ZNF277: variants seen among roughly 807,000 people sequenced by gnomAD.
ZNF277 encodes zinc finger protein 277.
In ZNF277, 55 loss-of-function variants were observed where a neutral mutation model predicts 60.7. The observed-to-expected ratio is 0.91, with a 90% confidence interval of 0.73 to 1.13. ZNF277 has a LOEUF of 1.13. Ranked by LOEUF, ZNF277 falls within the 50% of genes most tolerant of loss-of-function variation. The pLI is 0.00. For synonymous variants in ZNF277, 178 were observed against 179.3 expected, an observed-to-expected ratio of 0.99 and a Z score of 0.06; for missense variants, 510 against 523.0, an observed-to-expected ratio of 0.98 and a Z score of 0.24.
intron 4 of ZNF277, among the ~76,000 whole-genome samples, chr7:112,309,470 T>C (rs1478802092): frequency 6.6e-6 from 1 of 151,980 alleles, no homozygotes; most frequent in Non-Finnish European, 1.5e-5. Flanking sequence ...TACTGCATCA[T>C]GACAATCCAT....
chr7:112,301,237 A>G (rs947430668), intron 4 of ZNF277, among the ~76,000 whole-genome samples: 9 of 152,168 alleles, frequency 5.9e-5, no homozygotes, highest in African/African-American at 2.2e-4. Context: ...TCCTGGGCTC[A>G]AGAGATCCTC....
At chr7:112,229,592 C>G (rs1822269011) in intron 1 of ZNF277, among the ~76,000 whole-genome samples, 1 of 152,208 alleles carries the variant, frequency 6.6e-6, no homozygotes. Context: ...GTCACACAGA[C>G]AGTTTTCCCT....
At chr7:112,221,401 A>G (rs1306794763) in intron 1 of ZNF277, among the ~76,000 whole-genome samples, 2 of 152,144 alleles carry the variant, frequency 1.3e-5, no homozygotes, top group African/African-American at 4.8e-5. Flanking sequence ...TCTGGGAGGA[A>G]GGACCCCCGG....
At chr7:112,209,006 G>C (rs895610805) in intron 1 of ZNF277, among the ~76,000 whole-genome samples, 8 of 152,102 alleles carry the variant, frequency 5.3e-5, no homozygotes, top group Admixed American at 2.0e-4. Flanking sequence ...AATAAAAAGG[G>C]ATAAATCTAT....
intron 1 of ZNF277, among the ~76,000 whole-genome samples, chr7:112,257,800 ATTATT>A (rs1387627774): frequency 6.6e-6 from 1 of 151,908 alleles, no homozygotes; most frequent in East Asian, 1.9e-4. Flanking sequence ...TTTAATTTAT[ATTATT>A]TTATTTTACT....
intron 1 of ZNF277, among the ~76,000 whole-genome samples, chr7:112,279,352 G>T (rs1791890168): frequency 6.6e-6 from 1 of 152,022 alleles, no homozygotes; most frequent in Admixed American, 6.6e-5. Flanking sequence ...CTACATCCTT[G>T]CCAACACATG....
intron 6 of ZNF277, among the ~76,000 whole-genome samples, chr7:112,329,533 A>AAT (rs978443931): frequency 5.1e-4 from 77 of 152,170 alleles, no homozygotes; most frequent in African/African-American, 1.6e-3. Flanking sequence ...GTGCTCAATA[A>AAT]ATATATATAT....
intron 1 of ZNF277, among the ~76,000 whole-genome samples, chr7:112,225,238 C>T (rs2116968441): frequency 6.6e-6 from 1 of 152,282 alleles, no homozygotes; most frequent in South Asian, 2.1e-4. Context: ...CAATGGTGGG[C>T]TTAGGGACTC....
intron 1 of ZNF277, among the ~76,000 whole-genome samples, chr7:112,245,497 T>G (rs1791063524): frequency 6.6e-6 from 1 of 152,214 alleles, no homozygotes; most frequent in Non-Finnish European, 1.5e-5. Context: ...TGTCATAAAC[T>G]ATGTCATAAA....
At chr7:112,265,128 A>G (rs772211528) in intron 1 of ZNF277, among the ~76,000 whole-genome samples, 19 of 152,078 alleles carry the variant, frequency 1.2e-4, no homozygotes, top group Non-Finnish European at 2.5e-4. Flanking sequence ...CCCTTCAACA[A>G]TTTTTCCTTT....
intron 1 of ZNF277, among the ~76,000 whole-genome samples, chr7:112,270,233 T>A (rs746191370): frequency 5.3e-5 from 8 of 152,158 alleles, no homozygotes; most frequent in Non-Finnish European, 8.8e-5. Context: ...ATGTAGGTCC[T>A]TGGGGGCACT....
chr7:112,293,548 C>G (rs570292344), intron 2 of ZNF277, among the ~76,000 whole-genome samples: 55 of 150,736 alleles, frequency 3.6e-4, no homozygotes, highest in South Asian at 8.4e-4. Context: ...CCACTGCACT[C>G]CAGCCTGGGC....
intron 1 of ZNF277, among the ~76,000 whole-genome samples, chr7:112,240,950 A>AT (rs1049898306): frequency 1.3e-5 from 2 of 152,090 alleles, no homozygotes; most frequent in Non-Finnish European, 2.9e-5. Flanking sequence ...CTGGGCAAAG[A>AT]TTTTTTTAGT....
chr7:112,315,873 G>T (rs79741819), intron 4 of ZNF277, among the ~76,000 whole-genome samples: 14 of 152,046 alleles, frequency 9.2e-5, no homozygotes, highest in Non-Finnish European at 1.9e-4. Context: ...TGAGGCTTCC[G>T]TGTGGGTATT....
intron 1 of ZNF277, among the ~76,000 whole-genome samples, chr7:112,261,850 C>T (rs1225351676): frequency 1.3e-5 from 2 of 152,056 alleles, no homozygotes; most frequent in Non-Finnish European, 2.9e-5. Context: ...AGCAAGGTGA[C>T]CTGAACTACC....
Position 112,296,125 on chromosome 7 carries a change from G to A in ZNF277, c.383-104G>A, listed in dbSNP as rs1792320541. The A allele has an allele frequency of 2.3e-5, 23 of 990,702 alleles. No homozygotes were observed. In the South Asian group the frequency reaches 3.1e-4, roughly 13 times the overall value. The allele number at this position is 990,702 out of a possible 1,614,324, so 61.4% of individuals were successfully genotyped here. ...AGCTAAAACAGTTCTATGCCAAAGAGATCCTAATAGACACACACATCTGTA... is the reference window on the plus strand; with the variant it reads ...AGCTAAAACAGTTCTATGCCAAAGAAATCCTAATAGACACACACATCTGTA... On this transcript the variant is annotated intron_variant, in intron 3 of 11. Transcript: ENST00000361822.
chr7:112,274,260 C>T (rs1260235154), intron 1 of ZNF277, among the ~76,000 whole-genome samples: 6 of 152,064 alleles, frequency 3.9e-5, no homozygotes, highest in African/African-American at 1.4e-4. Context: ...CGGGCCCAAG[C>T]AATCCTCTCA....
intron 1 of ZNF277, among the ~76,000 whole-genome samples, chr7:112,234,254 A>G (rs1406322063): frequency 6.6e-6 from 1 of 152,194 alleles, no homozygotes; most frequent in Non-Finnish European, 1.5e-5. Context: ...GTCTTTGTCC[A>G]TTTATGCTAC....
intron 1 of ZNF277, among the ~76,000 whole-genome samples, chr7:112,224,740 G>A (rs2116967716): frequency 6.6e-6 from 1 of 152,312 alleles, no homozygotes; most frequent in South Asian, 2.1e-4. Context: ...AAAGGGTTCA[G>A]AGGAACATGA....
Sources: gnomAD v4.1 joint callset for allele counts (sites outside exome capture counted in the v4.1 genomes callset) on GRCh38, gnomAD v4.1.1 for gene constraint, MANE v1.5 for transcripts, NCBI Gene and HGNC (gene_info 2026-07-23, HGNC 2026-07-21) for gene names.